RRP7A: variants seen among roughly 807,000 people sequenced by gnomAD.
RRP7A encodes the protein ribosomal RNA processing 7 homolog A.
A neutral mutation model predicts 38.4 loss-of-function variants in RRP7A; 27 were observed. That is an observed-to-expected ratio of 0.70 (90% CI 0.52 to 0.97). RRP7A has a LOEUF of 0.97. Among genes scored for constraint, RRP7A ranks in the 50% least tolerant of loss-of-function variants. The pLI is 0.00. For synonymous variants in RRP7A, 124 were observed against 150.3 expected (o/e 0.83, Z 1.28); for missense variants, 327 against 375.4 (o/e 0.87, Z 1.07).
rs535031738 is a variant in RRP7A at position 42,514,331 on chromosome 22, G to A, written c.559-27C>T. ...TGCAAGGAAGGTGATCCCATCCTCCGGTGGGACCTCCTGCAGCCTCCAGCA... is the reference window on the plus strand; with the variant it reads ...TGCAAGGAAGGTGATCCCATCCTCCAGTGGGACCTCCTGCAGCCTCCAGCA... On this transcript the variant is annotated intron_variant, in intron 5 of 6. Coordinates refer to ENST00000323013, the MANE Select transcript of RRP7A (RefSeq NM_015703.5). 1.6e-5 allele frequency: 24 copies of A among 1,477,842 alleles called. 1 individual carries two copies. Among genetic ancestry groups the A allele is most frequent in the East Asian group, 4.5e-5 (2 of 44,044 alleles). The allele number at this position is 1,477,842 out of a possible 1,614,324, so 91.5% of individuals were successfully genotyped here.
At chr22:42,518,268 A>G in intron 1 of RRP7A, 121 bp from the exon 2 acceptor site, 2 of 863,784 alleles carry the variant, frequency 2.3e-6, no homozygotes. Flanking sequence ...CGATCCATCC[A>G]TCCCTTCACC....
intron 2 of RRP7A, among the ~76,000 whole-genome samples, chr22:42,517,298 T>TAAATA (rs2146623729): frequency 1.5e-5 from 1 of 67,220 alleles, no homozygotes; most frequent in South Asian, 3.9e-4. Context: ...ATTAAATAAA[T>TAAATA]AAATAAATAA....
rs1920925757 is a variant in RRP7A at position 42,514,719 on chromosome 22, T to A, written c.521A>T (p.Asp174Val). 6.2e-7 allele frequency: 1 copy of A among 1,611,540 alleles called. No individual in the cohort carries two copies. The highest frequency in any genetic ancestry group is 1.1e-5 in the South Asian group (1 of 90,848). ...CTGGTCATATGCCTCCATGAACGTG[T>A]CCACTTCCACCCTCAGGGCCTCAGG... ...PDPEALRVEV[D>V]TFMEAYDQKI... Residue 174 changes from aspartate (D) to valine (V), a missense_variant, in exon 5 of 7, where the codon GAC (aspartate) becomes GTC (valine). Asp to Val is a radical substitution (Grantham distance 152, BLOSUM62 -3). Transcript: ENST00000323013.
In RRP7A at chr22:42,512,373, CAG is replaced by C. The variant is rs1337743027; in HGVS notation, c.*535_*536del. On this transcript the variant is annotated 3_prime_UTR_variant, in exon 7 of 7. Coordinates refer to ENST00000323013, the MANE Select transcript of RRP7A (RefSeq NM_015703.5). The stretch of plus-strand genomic sequence containing the variant: ...TTGAGGCCCAGCCTAGGATGGTAGT[CAG>C]GGGAAGGAGCGAGATTCCAACTTCA... 7.3e-5 allele frequency: 54 copies of C among 737,120 alleles called. No homozygotes were observed. The highest frequency in any genetic ancestry group is 7.3e-4 in the East Asian group (28 of 38,268). 45.7% of individuals were successfully genotyped at this position (737,120 alleles called of 1,614,324 possible).
rs756529214 is a variant in RRP7A at position 42,514,245 on chromosome 22, C to G, written c.618G>C (p.Val206=). The change falls in exon 6 of 7, where the codon GTG becomes GTC. Residue 206 remains valine (V), a synonymous_variant. Coordinates refer to ENST00000323013, the MANE Select transcript of RRP7A (RefSeq NM_015703.5). ...GCACAGGCCGCCGGCCCCGGCGGGT[C>G]ACCTTCACCCAGCCCTCCTCGTCAG... ...GVPDEEGWVK[V]TRRGRRPVLP... 3.1e-6 allele frequency: 5 copies of G among 1,605,034 alleles called. No individual in the cohort carries two copies. Among genetic ancestry groups the G allele is most frequent in the Non-Finnish European group, 4.3e-6 (5 of 1,176,228 alleles).
chr22:42,516,134 C>T lies in RRP7A; in HGVS notation c.219G>A (p.Glu73=), dbSNP rs1243606821. The change falls in exon 3 of 7, where the codon GAG becomes GAA. Residue 73 remains glutamate, a splice_region_variant and synonymous_variant. Coordinates refer to ENST00000323013, the MANE Select transcript of RRP7A (RefSeq NM_015703.5). ...VLNVPPYCTE[E]SLSRLLSTCG... Reference sequence around the variant, plus strand: ...AGGTGGACAGGAGGCGGGACAGGCTCTCCTGCCGCAGGGAGAGGGAAGCCA... The same window carrying T: ...AGGTGGACAGGAGGCGGGACAGGCTTTCCTGCCGCAGGGAGAGGGAAGCCA... 1 of 1,612,866 alleles carries T rather than the reference C, an allele frequency of 6.2e-7. No homozygotes were observed. The highest frequency in any genetic ancestry group is 2.2e-5 in the East Asian group (1 of 44,826).
chr22:42,518,887 G>A (rs1920938892), intron 1 of RRP7A, among the ~76,000 whole-genome samples: 2 of 152,030 alleles, frequency 1.3e-5, no homozygotes, highest in South Asian at 2.1e-4. Context: ...CAATAACGGA[G>A]AAGACAATTA....
chr22:42,516,200 C>A (rs746955564), intron 2 of RRP7A, 64 bp from the exon 3 acceptor site: 14 of 1,595,732 alleles, frequency 8.8e-6, no homozygotes, highest in South Asian at 3.4e-5. Flanking sequence ...CCTCCCTGCA[C>A]CATGGGTGGC....
chr22:42,512,870 T>G lies in RRP7A; in HGVS notation c.*40A>C, dbSNP rs1200042989. 1 of 1,597,018 alleles carries G rather than the reference T, an allele frequency of 6.3e-7. No individual in the cohort carries two copies. Among genetic ancestry groups the G allele is most frequent in the Non-Finnish European group, 8.6e-7 (1 of 1,166,906 alleles). On this transcript the variant is annotated 3_prime_UTR_variant, in exon 7 of 7. Coordinates refer to ENST00000323013, the MANE Select transcript of RRP7A (RefSeq NM_015703.5). Reference sequence around the variant, plus strand: ...CTGCAGGCCCTGCCTCGCCTCCTCCTGGCCCTGCACCTCCAGCCATTCACT... The same window carrying G: ...CTGCAGGCCCTGCCTCGCCTCCTCCGGGCCCTGCACCTCCAGCCATTCACT...
chr22:42,512,937 C>G lies in RRP7A; in HGVS notation c.816G>C (p.Arg272=). 1 of 1,613,506 alleles carries G rather than the reference C, an allele frequency of 6.2e-7. No individual in the cohort carries two copies. The highest frequency in any genetic ancestry group is 8.5e-7 in the Non-Finnish European group (1 of 1,179,804). ...EEDKQRIELL[R]AQRKFRPY ...AGTACGGTCGGAATTTGCGCTGGGC[C>G]CGCAGCAGCTCGATCCTCTGCTTGT... Residue 272 remains arginine, a synonymous_variant, in exon 7 of 7, where the codon CGG becomes CGC. Transcript: ENST00000323013.
intron 1 of RRP7A, among the ~76,000 whole-genome samples, chr22:42,519,494 A>G (rs866663949): frequency 0.013 from 1,946 of 152,072 alleles, 26 homozygotes; most frequent in African/African-American, 0.044. Context: ...GGAAGCGTGG[A>G]CCAAGTTGGG....
chr22:42,516,957 T>C (rs969293671), intron 2 of RRP7A, among the ~76,000 whole-genome samples: 1 of 152,276 alleles, frequency 6.6e-6, no homozygotes, highest in African/African-American at 2.4e-5. Flanking sequence ...TTTTACAAAT[T>C]AGGGTTTCTT....
rs1226110114 is a variant in RRP7A, at chr22:42,512,732, C to G, written c.*178G>C. On this transcript the variant is annotated 3_prime_UTR_variant, in exon 7 of 7. Coordinates refer to ENST00000323013, the MANE Select transcript of RRP7A (RefSeq NM_015703.5). ...CCCAGGACTGCTGAAGCACAAGACC[C>G]GAGGGGTGGCCTGGTCCTTCCCTCC... is the stretch of plus-strand genomic sequence containing the variant. 1.5e-6 allele frequency: 1 copy of G among 680,324 alleles called. No homozygotes were observed. The highest frequency in any genetic ancestry group is 2.6e-6 in the Non-Finnish European group (1 of 387,736). 42.1% of individuals were successfully genotyped at this position (680,324 alleles called of 1,614,324 possible).
In RRP7A at chr22:42,510,718, C is replaced by T. The variant is rs766411200; in HGVS notation, c.*2192G>A. On this transcript the variant is annotated 3_prime_UTR_variant, in exon 7 of 7. Transcript: ENST00000323013. ...TGATAGACACAATGAAATCCACCCTCAAAGAGGTAAGGCGGGGCTCAGGCA... is the reference window on the plus strand; with the variant it reads ...TGATAGACACAATGAAATCCACCCTTAAAGAGGTAAGGCGGGGCTCAGGCA... 6.5e-7 allele frequency: 1 copy of T among 1,527,690 alleles called. No homozygotes were observed. The highest frequency in any genetic ancestry group is 1.2e-5 in the South Asian group (1 of 83,782). 94.6% of individuals were successfully genotyped at this position (1,527,690 alleles called of 1,614,324 possible).
rs1253695785 is a variant in RRP7A at position 42,512,791 on chromosome 22, G to A, written c.*119C>T. 10 of 994,074 alleles carry A rather than the reference G, an allele frequency of 1.0e-5. No individual in the cohort carries two copies. The highest frequency in any genetic ancestry group is 5.4e-5 in the South Asian group (4 of 73,736). The allele number at this position is 994,074 out of a possible 1,614,324, so 61.6% of individuals were successfully genotyped here. A position where few individuals can be genotyped will look rare whatever the true frequency, so the allele number is the denominator to read the frequency against. On this transcript the variant is annotated 3_prime_UTR_variant, in exon 7 of 7. Coordinates refer to ENST00000323013, the MANE Select transcript of RRP7A (RefSeq NM_015703.5). ...GTGGACTCTGATGGGGCTGTTGGAC[G>A]CGGTGGCCTTCAACCTGGGGCCCGT...
At position 42,512,881 on chromosome 22, in the gene RRP7A, C is replaced by T. The variant is rs566095524; in HGVS notation, c.*29G>A. On this transcript the variant is annotated 3_prime_UTR_variant, in exon 7 of 7. Coordinates refer to ENST00000323013, the MANE Select transcript of RRP7A (RefSeq NM_015703.5). Reference sequence around the variant, plus strand: ...GCCTCGCCTCCTCCTGGCCCTGCACCTCCAGCCATTCACTGCGGCTCTCAC... The same window carrying T: ...GCCTCGCCTCCTCCTGGCCCTGCACTTCCAGCCATTCACTGCGGCTCTCAC... The T allele has an allele frequency of 6.8e-6, 11 of 1,607,386 alleles. No homozygotes were observed. The East Asian group carries it at 1.8e-4, about 26-fold the overall frequency.
intron 6 of RRP7A, among the ~76,000 whole-genome samples, chr22:42,513,217 G>A (rs1846552598): frequency 1.4e-5 from 2 of 144,828 alleles, no homozygotes; most frequent in African/African-American, 5.0e-5. Flanking sequence ...AGTGGGAGAT[G>A]CTGGCACCCC....
At position 42,511,898 on chromosome 22, in the gene RRP7A, A is replaced by G. The variant is rs12628879; in HGVS notation, c.*1012T>C. 1,280 of 610,154 alleles carry G rather than the reference A, an allele frequency of 2.1e-3. 29 individuals are homozygous for G. In the East Asian group the frequency reaches 0.025, roughly 12 times the overall value. 37.8% of individuals were successfully genotyped at this position (610,154 alleles called of 1,614,324 possible). A position where few individuals can be genotyped will look rare whatever the true frequency, so the allele number is the denominator to read the frequency against. On this transcript the variant is annotated 3_prime_UTR_variant, in exon 7 of 7. Coordinates refer to ENST00000323013, the MANE Select transcript of RRP7A (RefSeq NM_015703.5). ...TGCAACTTCACAACTCAGCTGGCCT[A>G]GACCCCTGGGAGGCCTCCAAGTCCC... is the stretch of plus-strand genomic sequence containing the variant.
At chr22:42,519,534 G>A (rs998677812) in intron 1 of RRP7A, among the ~76,000 whole-genome samples, 180 bp downstream of exon 1, 2 of 152,116 alleles carry the variant, frequency 1.3e-5, no homozygotes, top group African/African-American at 2.4e-5. Flanking sequence ...CAGGCAGAAG[G>A]GCGCCGCCTG....
Sources: gnomAD v4.1 joint callset for allele counts (sites outside exome capture counted in the v4.1 genomes callset) on GRCh38, gnomAD v4.1.1 for gene constraint, MANE v1.5 for transcripts, NCBI Gene and HGNC (gene_info 2026-07-23, HGNC 2026-07-21) for gene names.